The following RBL1 variants were observed in gnomAD, a reference collection of about 807,000 sequenced individuals.
RBL1 encodes retinoblastoma-like protein 1.
In RBL1, 82 loss-of-function variants were observed where a neutral mutation model predicts 123.0. That is an observed-to-expected ratio of 0.67 (90% CI 0.56 to 0.80). The LOEUF (loss-of-function observed/expected upper bound fraction) is 0.80. Among genes scored for constraint, RBL1 ranks in the 30% least tolerant of loss-of-function variants. The pLI is 0.00. For missense variants in RBL1, 1,171 were observed against 1,299.6 expected (o/e 0.90, Z 1.52); for synonymous variants, 405 against 441.3 (o/e 0.92, Z 1.03).
At position 37,066,869 on chromosome 20, in the gene RBL1, A is replaced by G. The variant is rs373253851; in HGVS notation, c.701T>C (p.Phe234Ser). Residue 234 changes from phenylalanine (F) to serine (S), a missense_variant, in exon 6 of 22, where the codon TTT becomes TCT. By Grantham distance (155) the Phe-to-Ser change is radical. Coordinates refer to ENST00000373664, the MANE Select transcript of RBL1 (RefSeq NM_002895.5). ...NPSFKGLPSD[F>S]HTADFTASEE... ...AGAAGCCGTAAAGTCAGCAGTATGA[A>G]AATCAGATGGTAAACCTAGTTTGAC... 76 of 1,613,874 alleles carry G rather than the reference A, an allele frequency of 4.7e-5. No homozygotes were observed. Among genetic ancestry groups the G allele is most frequent in the Non-Finnish European group, 5.9e-5 (70 of 1,179,912 alleles).
chr20:36,998,963 G>C (rs955016064), intron 21 of RBL1, 34 bp from the exon 22 acceptor site: 26 of 1,554,930 alleles, frequency 1.7e-5, no homozygotes, highest in Non-Finnish European at 1.7e-5. Context: ...GTGAGTAAAA[G>C]AGGGAGAGGG....
chr20:37,071,265 A>G (rs2065277459), intron 2 of RBL1, among the ~76,000 whole-genome samples: 1 of 152,144 alleles, frequency 6.6e-6, no homozygotes, highest in African/African-American at 2.4e-5. Flanking sequence ...AATACTTATA[A>G]TTTCTTTTTA....
At chr20:37,000,835 C>T (rs1402659102) in intron 21 of RBL1, among the ~76,000 whole-genome samples, 4 of 142,570 alleles carry the variant, frequency 2.8e-5, no homozygotes, top group East Asian at 2.2e-4. Flanking sequence ...TCTGCCTGGC[C>T]GCCCCTACTG....
At chr20:37,074,415 G>GAAA (rs751317386) in intron 2 of RBL1, among the ~76,000 whole-genome samples, 4 of 62,262 alleles carry the variant, frequency 6.4e-5, no homozygotes, top group African/African-American at 1.5e-4. Flanking sequence ...CCCTGTCTCA[G>GAAA]AAAAAAAAAA....
At chr20:37,072,663 C>T (rs1379497477) in intron 2 of RBL1, among the ~76,000 whole-genome samples, 2 of 152,092 alleles carry the variant, frequency 1.3e-5, no homozygotes, top group Non-Finnish European at 1.5e-5. Context: ...TTATCAGATA[C>T]ATCTGCTTGA....
intron 9 of RBL1, among the ~76,000 whole-genome samples, chr20:37,057,010 TACCTAC>T (rs1357671009): frequency 9.0e-4 from 98 of 109,436 alleles, no homozygotes; most frequent in Middle Eastern, 8.6e-3. Context: ...TCTATCTACC[TACCTAC>T]CTACCTACCT....
In RBL1 at chr20:37,005,931, TG is replaced by T. The variant is rs1185773047; in HGVS notation, c.2871+1479del. Among the ~76,000 whole-genome samples the T allele has an allele frequency of 4.1e-5, 6 of 145,834 alleles. No homozygotes were observed. The East Asian group carries it at 1.2e-3, about 30-fold the overall frequency. On this transcript the variant is annotated intron_variant, in intron 20 of 21. Coordinates refer to ENST00000373664, the MANE Select transcript of RBL1 (RefSeq NM_002895.5). ...TTTTTTTTGAGGCAGGGTCTTGCTCTGTTGCCCAGACTGGAGTGTGGTGGTG... is the reference window on the plus strand; with the variant it reads ...TTTTTTTTGAGGCAGGGTCTTGCTCTTTGCCCAGACTGGAGTGTGGTGGTG...
intron 2 of RBL1, among the ~76,000 whole-genome samples, chr20:37,078,475 G>A (rs535733958): frequency 6.6e-6 from 1 of 152,202 alleles, no homozygotes; most frequent in South Asian, 2.1e-4. Flanking sequence ...CTAATAACGG[G>A]AGTCTACCAA....
chr20:37,088,038 G>A lies in RBL1; in HGVS notation c.290+951C>T, dbSNP rs1360744500. 3.9e-5 allele frequency among the ~76,000 whole-genome samples: 6 copies of A among 152,204 alleles called. No homozygotes were observed. In the East Asian group the frequency reaches 1.2e-3, roughly 29 times the overall value. On this transcript the variant is annotated intron_variant, in intron 2 of 21. Coordinates refer to ENST00000373664, the MANE Select transcript of RBL1 (RefSeq NM_002895.5). ...CCAGCATTTAGGGAGGCTGAGGCGG[G>A]TGGATCACCTGAGGTCGGGAGTTCG...
chr20:37,026,263 C>T (rs1054329828), intron 16 of RBL1, among the ~76,000 whole-genome samples: 7 of 151,998 alleles, frequency 4.6e-5, no homozygotes, highest in Non-Finnish European at 8.8e-5. Flanking sequence ...AAAAATAATC[C>T]TCATGTTTTA....
intron 14 of RBL1, among the ~76,000 whole-genome samples, chr20:37,038,512 G>A (rs1476165793): frequency 6.7e-6 from 1 of 149,262 alleles, no homozygotes; most frequent in Non-Finnish European, 1.5e-5. Context: ...TCTTGGCCAG[G>A]CTGGTCTTGA....
intron 8 of RBL1, 98 bp downstream of exon 8, chr20:37,061,986 G>A (rs987999424): frequency 9.2e-6 from 12 of 1,309,278 alleles, no homozygotes; most frequent in Non-Finnish European, 1.2e-5. Context: ...AGTAGAAGAA[G>A]CTCAAGATTT....
At chr20:37,079,959 A>G (rs2065422637) in intron 2 of RBL1, among the ~76,000 whole-genome samples, 1 of 152,210 alleles carries the variant, frequency 6.6e-6, no homozygotes. Context: ...TGCAGACAGG[A>G]AAGAATTCAG....
At chr20:37,046,017 G>A (rs1340346406) in intron 12 of RBL1, among the ~76,000 whole-genome samples, 1 of 152,118 alleles carries the variant, frequency 6.6e-6, no homozygotes, top group East Asian at 1.9e-4. Context: ...CGTTATTGAG[G>A]GTGATGATGT....
rs1298971297 is a variant in RBL1, at chr20:37,032,818, C to G, written c.2229G>C (p.Gln743His). The G allele has an allele frequency of 6.2e-7, 1 of 1,613,978 alleles. No homozygotes were observed. The highest frequency in any genetic ancestry group is 8.5e-7 in the Non-Finnish European group (1 of 1,179,984). The stretch of plus-strand genomic sequence containing the variant: ...ATACAGGACTCTTGACTTTGGACTC[C>G]TGATTTGTATTCATGGAAAGAGGTA... ...TLIPLSMNTN[Q>H]ESKVKSPVSL... Residue 743 changes from glutamine to histidine, a missense_variant, in exon 16 of 22, where the codon CAG (glutamine) becomes CAC (histidine). Physicochemically the swap from Gln to His is conservative, Grantham distance 24. Coordinates refer to ENST00000373664, the MANE Select transcript of RBL1 (RefSeq NM_002895.5).
rs756556029 is a variant in RBL1 at position 37,065,448 on chromosome 20, T to C, written c.872A>G (p.Asp291Gly). The C allele has an allele frequency of 6.3e-7, 1 of 1,597,396 alleles. No individual in the cohort carries two copies. The highest frequency in any genetic ancestry group is 1.3e-5 in the African/African-American group (1 of 74,622). Residue 291 changes from aspartate (D) to glycine (G), a missense_variant, in exon 7 of 22, where the codon GAC becomes GGC. Asp to Gly is a moderately conservative substitution (Grantham distance 94, BLOSUM62 -1). Transcript: ENST00000373664. Reference protein sequence around the residue: ...RKILKGECLLDLSSFTDNSKA... With the variant: ...RKILKGECLLGLSSFTDNSKA... ...CCTATTATCAGTAAAACTTGAAAGGTCCAGGAGGCATTCTCCTTTTAATAT... is the reference window on the plus strand; with the variant it reads ...CCTATTATCAGTAAAACTTGAAAGGCCCAGGAGGCATTCTCCTTTTAATAT...
At chr20:37,030,503 T>C (rs2064490348) in intron 16 of RBL1, among the ~76,000 whole-genome samples, 1 of 152,018 alleles carries the variant, frequency 6.6e-6, no homozygotes, top group South Asian at 2.1e-4. Flanking sequence ...GCAGATCACT[T>C]AAGCTCACGA....
Position 37,003,821 on chromosome 20 carries a change from G to C in RBL1, c.2917C>G (p.Pro973Ala), listed in dbSNP as rs774052216. 2 of 1,613,756 alleles carry C rather than the reference G, an allele frequency of 1.2e-6. No individual in the cohort carries two copies. Among genetic ancestry groups the C allele is most frequent in the Admixed American group, 1.7e-5 (1 of 59,948 alleles). ...LSPFPHIKQQ[P>A]GSPRRISQQH... ...TGGGAAATGCGGCGTGGTGAGCCTG[G>C]CTGTTGTTTAATATGTGGAAAAGGA... is the stretch of plus-strand genomic sequence containing the variant. Residue 973 changes from proline to alanine, a missense_variant, in exon 21 of 22, where the codon CCA becomes GCA. Pro to Ala is a conservative substitution (Grantham distance 27). Coordinates refer to ENST00000373664, the MANE Select transcript of RBL1 (RefSeq NM_002895.5).
At chr20:37,060,783 A>AG (rs2065081613) in intron 9 of RBL1, among the ~76,000 whole-genome samples, 1 of 142,672 alleles carries the variant, frequency 7.0e-6, no homozygotes, top group South Asian at 2.2e-4. Context: ...ACCCTGTCTC[A>AG]AAAAAAAAAC....
Sources: gnomAD v4.1 joint callset for allele counts (sites outside exome capture counted in the v4.1 genomes callset) on GRCh38, gnomAD v4.1.1 for gene constraint, MANE v1.5 for transcripts, NCBI Gene and HGNC (gene_info 2026-07-23, HGNC 2026-07-21) for gene names.